TATDN3: variants seen among roughly 807,000 people sequenced by gnomAD.
TATDN3 encodes the protein deoxyribonuclease TATDN3.
TATDN3 carries 29 observed loss-of-function variants against 40.1 expected under a neutral mutation model. The ratio of observed to expected loss-of-function variants is 0.72; its 90% CI spans 0.54 to 0.99. The LOEUF (loss-of-function observed/expected upper bound fraction) is 0.99, where lower values mean the gene tolerates loss of function less well. TATDN3 is among the 50% of genes least tolerant of loss of function. The pLI is 0.00. For synonymous variants in TATDN3, 105 were observed against 117.0 expected (o/e 0.90, Z 0.66); for missense variants, 309 against 321.9 (o/e 0.96, Z 0.31).
At chr1:212,810,928 T>C (rs1214280215) in intron 8 of TATDN3, among the ~76,000 whole-genome samples, 2 of 152,178 alleles carry the variant, frequency 1.3e-5, no homozygotes, top group African/African-American at 2.4e-5. Context: ...TTAGTGTTTA[T>C]ATTTTAACAT....
At chr1:212,798,221 G>A (rs1459534394) in intron 4 of TATDN3, among the ~76,000 whole-genome samples, 1 of 151,880 alleles carries the variant, frequency 6.6e-6, no homozygotes, top group East Asian at 1.9e-4. Flanking sequence ...AGCTACTCGG[G>A]AGACTAAGGT....
At chr1:212,809,547 G>A (rs938112998) in intron 8 of TATDN3, among the ~76,000 whole-genome samples, 2 of 152,114 alleles carry the variant, frequency 1.3e-5, no homozygotes, top group Admixed American at 1.3e-4. Flanking sequence ...AGCCAGGCAT[G>A]GTGGTGGGCG....
intron 4 of TATDN3, among the ~76,000 whole-genome samples, chr1:212,798,292 C>T (rs1484070372): frequency 6.6e-6 from 1 of 151,888 alleles, no homozygotes; most frequent in African/African-American, 2.4e-5. Context: ...CTCCAGTGCA[C>T]TCCAGCCTGG....
intron 5 of TATDN3, 112 bp downstream of exon 5, chr1:212,802,875 C>A: frequency 1.5e-6 from 1 of 688,242 alleles, no homozygotes; most frequent in Non-Finnish European, 2.5e-6. Flanking sequence ...TAATTATGTT[C>A]ACCCCACTTA....
intron 8 of TATDN3, among the ~76,000 whole-genome samples, chr1:212,810,291 C>T (rs1302285830): frequency 3.3e-5 from 5 of 151,884 alleles, no homozygotes; most frequent in Admixed American, 6.6e-5. Context: ...GGGTGGATCA[C>T]GACGTGGTCA....
At chr1:212,795,028 A>T in intron 1 of TATDN3, 67 bp from the exon 2 acceptor site, 2 of 1,269,414 alleles carry the variant, frequency 1.6e-6, no homozygotes, top group Middle Eastern at 1.9e-4. Context: ...AACTACATTG[A>T]CATATACAGT....
Position 212,816,195 on chromosome 1 carries a change from TAAGCC to T in TATDN3, c.*1041_*1045del, listed in dbSNP as rs1200526809. 6.6e-6 allele frequency: 1 copy of T among 152,222 alleles called. No individual in the cohort carries two copies. Among genetic ancestry groups the T allele is most frequent in the Non-Finnish European group, 1.5e-5 (1 of 68,038 alleles). The allele number at this position is 152,222 out of a possible 1,614,324, so 9.4% of individuals were successfully genotyped here. On this transcript the variant is annotated 3_prime_UTR_variant, in exon 10 of 10. Transcript: ENST00000366974. ...ATTTTTAAGTTTAAAAATGTTAGTG[TAAGCC>T]AGGCACAGTGGCATTCACCTGTAGT...
intron 9 of TATDN3, among the ~76,000 whole-genome samples, chr1:212,813,707 TTTTTGTTTTTG>T (rs1263951341): frequency 1.4e-5 from 2 of 144,856 alleles, no homozygotes; most frequent in East Asian, 4.0e-4. Context: ...CTTGTTTTTG[TTTTTGTTTTTG>T]TTTTGTTTTT....
At chr1:212,808,832 T>C (rs1037823076) in intron 8 of TATDN3, among the ~76,000 whole-genome samples, 13 of 152,174 alleles carry the variant, frequency 8.5e-5, no homozygotes, top group African/African-American at 3.1e-4. Context: ...GACCCAGCAA[T>C]TCCACCCCTA....
At chr1:212,806,839 T>C (rs1333546687) in intron 7 of TATDN3, among the ~76,000 whole-genome samples, 2 of 71,840 alleles carry the variant, frequency 2.8e-5, no homozygotes, top group Non-Finnish European at 5.2e-5. Flanking sequence ...TATATATACA[T>C]ATATACACAT....
intron 1 of TATDN3, chr1:212,794,555 C>A (rs1418672401): frequency 1.8e-5 from 6 of 336,890 alleles, no homozygotes; most frequent in South Asian, 1.4e-4. Flanking sequence ...CGCACCATTG[C>A]ACTACAGCTG....
intron 8 of TATDN3, among the ~76,000 whole-genome samples, chr1:212,811,322 G>A (rs1382338401): frequency 1.3e-5 from 2 of 151,952 alleles, no homozygotes; most frequent in African/African-American, 4.8e-5. Context: ...TAGTAGAGAC[G>A]GGGTTTCACC....
In TATDN3 at chr1:212,803,600, A is replaced by T. The variant is rs1558081236; in HGVS notation, c.322-720A>T. ...ATAGAATGCATGCCAAAATAGTCCC[A>T]GGAGGAGTCATCTATAGTCTGTGCC... On this transcript the variant is annotated intron_variant, in intron 5 of 9. Coordinates refer to ENST00000366974, the MANE Select transcript of TATDN3 (RefSeq NM_001042552.3). Among the ~76,000 whole-genome samples the T allele has an allele frequency of 3.3e-5, 5 of 152,192 alleles. No homozygotes were observed. The South Asian group carries it at 1.0e-3, about 31-fold the overall frequency.
intron 9 of TATDN3, among the ~76,000 whole-genome samples, chr1:212,812,900 G>A (rs989363764): frequency 1.3e-5 from 2 of 152,008 alleles, no homozygotes; most frequent in African/African-American, 4.8e-5. Flanking sequence ...GCAGCTACTC[G>A]GGAGGCTGAG....
At position 212,815,753 on chromosome 1, in the gene TATDN3, C is replaced by T. The variant is rs1335207521; in HGVS notation, c.*597C>T. ...GGTCAGGCTGGTCTCGAACTCCCGA[C>T]CTCAGGTGATCCGCCCGCCTCGGCC... On this transcript the variant is annotated 3_prime_UTR_variant, in exon 10 of 10. Coordinates refer to ENST00000366974, the MANE Select transcript of TATDN3 (RefSeq NM_001042552.3). The T allele has an allele frequency of 1.3e-5, 2 of 152,200 alleles. No homozygotes were observed. The highest frequency in any genetic ancestry group is 2.4e-5 in the African/African-American group (1 of 41,420). 9.4% of individuals were successfully genotyped at this position (152,200 alleles called of 1,614,324 possible).
At position 212,798,218 on chromosome 1, in the gene TATDN3, C is replaced by G. The variant is rs190705494; in HGVS notation, c.258+1022C>G. Among the ~76,000 whole-genome samples the G allele has an allele frequency of 3.5e-3, 526 of 151,480 alleles. 7 individuals carry two copies. Among genetic ancestry groups the G allele is most frequent in the African/African-American group, 0.012 (503 of 41,256 alleles). ...GCGTGCACCTGTAGTCCCAGCTACTCGGGAGACTAAGGTGGGAGAATCGTT... is the reference window on the plus strand; with the variant it reads ...GCGTGCACCTGTAGTCCCAGCTACTGGGGAGACTAAGGTGGGAGAATCGTT... On this transcript the variant is annotated intron_variant, in intron 4 of 9. Coordinates refer to ENST00000366974, the MANE Select transcript of TATDN3 (RefSeq NM_001042552.3).
intron 1 of TATDN3, among the ~76,000 whole-genome samples, chr1:212,792,745 C>T (rs1334011563): frequency 2.0e-5 from 3 of 151,506 alleles, no homozygotes; most frequent in East Asian, 1.9e-4. Context: ...TATGAGAGGC[C>T]GAAGTGGGTG....
In TATDN3 at chr1:212,797,130, G is replaced by A; in HGVS notation, c.192G>A (p.Leu64=). The A allele has an allele frequency of 1.9e-6, 3 of 1,614,048 alleles. No homozygotes were observed. Among genetic ancestry groups the A allele is most frequent in the Non-Finnish European group, 2.5e-6 (3 of 1,179,966 alleles). ...QLSERYNGFV[L]PCLGVHPVQG... Reference sequence around the variant, plus strand: ...TTTTTAGGTATAATGGGTTTGTCCTGCCATGCTTGGGTGTTCATCCAGTTC... The same window carrying A: ...TTTTTAGGTATAATGGGTTTGTCCTACCATGCTTGGGTGTTCATCCAGTTC... Residue 64 remains leucine, a synonymous_variant, in exon 4 of 10, where the codon CTG becomes CTA. Transcript: ENST00000366974.
chr1:212,813,570 T>TC (rs974974044), intron 9 of TATDN3, among the ~76,000 whole-genome samples: 5 of 149,650 alleles, frequency 3.3e-5, no homozygotes, highest in African/African-American at 1.2e-4. Flanking sequence ...TCTTTTCTTT[T>TC]TTTTTTTTTT....
Sources: gnomAD v4.1 joint callset for allele counts (sites outside exome capture counted in the v4.1 genomes callset) on GRCh38, gnomAD v4.1.1 for gene constraint, MANE v1.5 for transcripts, NCBI Gene and HGNC (gene_info 2026-07-23, HGNC 2026-07-21) for gene names.